The following KCNMA1 variants were observed in gnomAD, a reference collection of about 807,000 sequenced individuals.
KCNMA1 encodes the protein Calcium-activated potassium channel subunit alpha-1.
In KCNMA1, 29 loss-of-function variants were observed where a neutral mutation model predicts 140.0. That is an observed-to-expected ratio of 0.21 (90% CI 0.15 to 0.28). The LOEUF (loss-of-function observed/expected upper bound fraction) is 0.28, where lower values mean the gene tolerates loss of function less well. KCNMA1 is among the 10% of genes least tolerant of loss of function. The pLI is 1.00. For synonymous variants in KCNMA1, 612 were observed against 611.9 expected, an observed-to-expected ratio of 1.00 and a Z score of 0.00; for missense variants, 880 against 1,602.2, an observed-to-expected ratio of 0.55 and a Z score of 7.70.
downstream of KCNMA1, chr10:76,876,111 G>T (rs2032336380): frequency 6.6e-6 from 1 of 152,598 alleles, no homozygotes; most frequent in Non-Finnish European, 1.5e-5. Context: ...GGTAATTGGA[G>T]TACTTAGTGG....
At chr10:77,269,089 T>A in intron 2 of KCNMA1, among the ~76,000 whole-genome samples, 1 of 152,166 alleles carries the variant, frequency 6.6e-6, no homozygotes, top group East Asian at 1.9e-4. Flanking sequence ...AAGGAGTTGG[T>A]GGTCACTCCT....
intron 2 of KCNMA1, among the ~76,000 whole-genome samples, chr10:77,292,783 C>A (rs878936504): frequency 6.6e-6 from 1 of 152,212 alleles, no homozygotes; most frequent in African/African-American, 2.4e-5. Flanking sequence ...GTTCTGACCT[C>A]TACAAGCATT....
chr10:77,210,392 G>A (rs1006186444), intron 3 of KCNMA1, among the ~76,000 whole-genome samples: 2 of 152,092 alleles, frequency 1.3e-5, no homozygotes, highest in African/African-American at 4.8e-5. Context: ...TCTGAAAAGA[G>A]TAAGCATCAA....
At chr10:77,270,995 AT>A (rs2064970617) in intron 2 of KCNMA1, among the ~76,000 whole-genome samples, 1 of 152,226 alleles carries the variant, frequency 6.6e-6, no homozygotes, top group Admixed American at 6.5e-5. Context: ...TGTCATTAAT[AT>A]TAAAAATTCC....
intron 23 of KCNMA1, among the ~76,000 whole-genome samples, chr10:76,941,864 C>CG (rs1267494782): frequency 1.3e-5 from 2 of 152,172 alleles, no homozygotes; most frequent in East Asian, 3.9e-4. Context: ...AAGGTCAAGG[C>CG]GCTGGCATGT....
At chr10:77,008,262 A>AT (rs961650830) in intron 18 of KCNMA1, 1 of 1,455,768 alleles carries the variant, frequency 6.9e-7, no homozygotes. Flanking sequence ...AAAATAAATC[A>AT]AAGATATGTC....
rs2093942850 is a variant in KCNMA1 at position 77,361,482 on chromosome 10, T to C, written c.540+42380A>G. ...TCATCACCGCCAGCAACAGGGTGAC[T>C]GGCTGCCCCCTGGATTTTCTGCAAG... On this transcript the variant is annotated intron_variant, in intron 2 of 27. Coordinates refer to ENST00000286628, the MANE Select transcript of KCNMA1 (RefSeq NM_001161352.2). Among the ~76,000 whole-genome samples, 7 of 152,328 alleles carry C rather than the reference T, an allele frequency of 4.6e-5. No individual in the cohort carries two copies. The South Asian group carries it at 1.2e-3, about 27-fold the overall frequency.
At chr10:77,490,181 T>C (rs2098514872) in intron 1 of KCNMA1, among the ~76,000 whole-genome samples, 1 of 151,840 alleles carries the variant, frequency 6.6e-6, no homozygotes, top group Non-Finnish European at 1.5e-5. Context: ...TATCTAGGGC[T>C]CCCACCACTT....
intron 3 of KCNMA1, among the ~76,000 whole-genome samples, chr10:77,198,251 T>A (rs2041268406): frequency 6.6e-6 from 1 of 152,090 alleles, no homozygotes; most frequent in South Asian, 2.1e-4. Context: ...AGTGCCAACA[T>A]CCTTAACACT....
In KCNMA1 at chr10:76,925,579, G is replaced by A. The variant is rs78305214; in HGVS notation, c.2903-10530C>T. On this transcript the variant is annotated intron_variant, in intron 23 of 27. Transcript: ENST00000286628. ...TTTTGCAAGCATTAATCAAAGAAAC[G>A]TGAAGAGCTCATTAAAGTGATAGAT... Among the ~76,000 whole-genome samples, 357 of 152,116 alleles carry A rather than the reference G, an allele frequency of 2.3e-3. 1 individual carries two copies. Among genetic ancestry groups the A allele is most frequent in the Middle Eastern group, 6.8e-3 (2 of 294 alleles).
At chr10:77,065,317 G>A (rs2095889681) in intron 14 of KCNMA1, among the ~76,000 whole-genome samples, 1 of 152,056 alleles carries the variant, frequency 6.6e-6, no homozygotes, top group Non-Finnish European at 1.5e-5. Flanking sequence ...AGGGGGAGGG[G>A]GTGCAGATTC....
intron 26 of KCNMA1, among the ~76,000 whole-genome samples, chr10:76,890,835 G>T (rs770681173): frequency 1.3e-5 from 2 of 152,184 alleles, no homozygotes; most frequent in South Asian, 4.1e-4. Flanking sequence ...TCACAGGGAG[G>T]ACATGAGGGA....
intron 2 of KCNMA1, among the ~76,000 whole-genome samples, chr10:77,340,310 T>C (rs552010006): frequency 6.6e-6 from 1 of 152,264 alleles, no homozygotes; most frequent in Non-Finnish European, 1.5e-5. Flanking sequence ...GTGGCAATTC[T>C]TCAAGCATCT....
At chr10:76,894,234 T>C (rs1262276634) in intron 25 of KCNMA1, among the ~76,000 whole-genome samples, 1 of 152,192 alleles carries the variant, frequency 6.6e-6, no homozygotes, top group Non-Finnish European at 1.5e-5. Flanking sequence ...GAAGTTAATA[T>C]AGTCTTTTAA....
intron 1 of KCNMA1, among the ~76,000 whole-genome samples, chr10:77,514,764 C>T (rs1318881745): frequency 6.6e-6 from 1 of 152,184 alleles, no homozygotes; most frequent in Non-Finnish European, 1.5e-5. Context: ...CTGGCCCTGG[C>T]CCTGTACTTT....
rs1047173876 is a variant in KCNMA1 at position 77,353,918 on chromosome 10, C to T, written c.540+49944G>A. ...AGAGCCAGGATTCAGACTCAGGCAG[C>T]CTGGCTACAGGGCCTGTTTTCTTCA... On this transcript the variant is annotated intron_variant, in intron 2 of 27. Transcript: ENST00000286628. 8.8e-5 allele frequency among the ~76,000 whole-genome samples: 13 copies of T among 147,822 alleles called. No individual in the cohort carries two copies. In the South Asian group the frequency reaches 1.1e-3, roughly 12 times the overall value.
intron 2 of KCNMA1, among the ~76,000 whole-genome samples, chr10:77,344,584 T>A (rs1442190177): frequency 2.0e-5 from 3 of 151,346 alleles, no homozygotes; most frequent in Non-Finnish European, 2.9e-5. Flanking sequence ...ATGCTTTCTC[T>A]ATTTTTTTTT....
chr10:77,250,810 A>G (rs529663478), intron 3 of KCNMA1: 2 of 257,574 alleles, frequency 7.8e-6, no homozygotes, highest in South Asian at 5.1e-5. Context: ...TCCTACAACC[A>G]TAGCAAGAAT....
chr10:77,396,461 G>A (rs905552994), intron 2 of KCNMA1, among the ~76,000 whole-genome samples: 1 of 152,170 alleles, frequency 6.6e-6, no homozygotes, highest in Non-Finnish European at 1.5e-5. Flanking sequence ...CAATGAATGT[G>A]ATATATTTGA....
Sources: allele counts gnomAD v4.1 joint callset (sites outside exome capture counted in the v4.1 genomes callset), GRCh38; gene constraint gnomAD v4.1.1; transcripts MANE v1.5; gene names NCBI Gene and HGNC (gene_info 2026-07-23, HGNC 2026-07-21).